FBXL5: variants seen among roughly 807,000 people sequenced by gnomAD.
FBXL5 encodes the protein F-box and leucine rich repeat protein 5.
Under a neutral mutation model 78.3 loss-of-function variants are expected in FBXL5, and 26 were observed. The ratio of observed to expected loss-of-function variants is 0.33; its 90% CI spans 0.24 to 0.46. The LOEUF is 0.46. Ranked by LOEUF, FBXL5 falls within the 20% of genes least tolerant of loss-of-function variation. The pLI is 1.00. For missense variants in FBXL5, 710 were observed against 829.2 expected (o/e 0.86, Z 1.77); for synonymous variants, 295 against 282.5 (o/e 1.04, Z -0.45).
At chr4:15,660,794 G>C (rs1717269564), upstream of FBXL5, among the ~76,000 whole-genome samples, 1 of 152,176 alleles carries the variant, frequency 6.6e-6, no homozygotes, top group African/African-American at 2.4e-5. Context: ...TCTAGAGTTA[G>C]GTGGCCCAGC....
chr4:15,630,774 G>T lies in FBXL5; in HGVS notation c.784C>A (p.Pro262Thr). The T allele has an allele frequency of 1.2e-6, 2 of 1,612,636 alleles. No homozygotes were observed. Among genetic ancestry groups the T allele is most frequent in the South Asian group, 2.2e-5 (2 of 90,826 alleles). The change falls in exon 6 of 11, where the codon CCC (proline) becomes ACC (threonine). Residue 262 changes from proline to threonine, a missense_variant. Around this residue, in one of 4 missense-constraint regions of FBXL5, gnomAD observed 517 missense variants for 542.9 expected, o/e 0.95. Transcript: ENST00000341285. ...HWARGDWYSG[P>T]ATELDTEPDD... ...GGTTCAGTATCAAGTTCAGTTGCGG[G>T]ACCACTATACCAGTCACCTACTCAA...
intron 6 of FBXL5, among the ~76,000 whole-genome samples, chr4:15,628,289 T>C (rs1395109421): frequency 6.6e-6 from 1 of 152,162 alleles, no homozygotes; most frequent in African/African-American, 2.4e-5. Context: ...CTATCACTGA[T>C]TCCACATAAC....
chr4:15,663,868 T>C (rs1452748937), upstream of FBXL5, among the ~76,000 whole-genome samples: 1 of 152,208 alleles, frequency 6.6e-6, no homozygotes, highest in East Asian at 1.9e-4. Context: ...TCACTGTTCA[T>C]TGACTTACCC....
chr4:15,655,138 A>G, intron 1 of FBXL5, 66 bp downstream of exon 1: 8 of 1,260,418 alleles, frequency 6.3e-6, no homozygotes, highest in Non-Finnish European at 8.3e-6. Context: ...AGGCCGCCCC[A>G]AGAACCCAGC....
chr4:15,641,430 G>C lies in FBXL5; in HGVS notation c.301-547C>G, dbSNP rs116266523. On this transcript the variant is annotated intron_variant, in intron 2 of 10. Coordinates refer to ENST00000341285, the MANE Select transcript of FBXL5 (RefSeq NM_012161.4). ...TCAATGTGAAGACAATGAGGATAAAGACATTTATGATGATCCACTTCCACT... is the reference window on the plus strand; with the variant it reads ...TCAATGTGAAGACAATGAGGATAAACACATTTATGATGATCCACTTCCACT... The C allele has an allele frequency of 1.5e-3, 525 of 354,100 alleles. 2 individuals carry two copies. The highest frequency in any genetic ancestry group is 0.011 in the African/African-American group (492 of 43,264). The allele number at this position is 354,100 out of a possible 1,614,324, so 21.9% of individuals were successfully genotyped here. A position where few individuals can be genotyped will look rare whatever the true frequency, so the allele number is the denominator to read the frequency against.
At chr4:15,613,039 T>A (rs1452431343) in intron 9 of FBXL5, among the ~76,000 whole-genome samples, 1 of 152,190 alleles carries the variant, frequency 6.6e-6, no homozygotes, top group Non-Finnish European at 1.5e-5. Context: ...TGACACATAG[T>A]ATAACATGCA....
At chr4:15,634,388 A>G (rs1019106787) in intron 5 of FBXL5, among the ~76,000 whole-genome samples, 9 of 151,446 alleles carry the variant, frequency 5.9e-5, no homozygotes, top group African/African-American at 1.9e-4. Context: ...TTTTTTTGAG[A>G]CGGAGTCTCA....
intron 1 of FBXL5, among the ~76,000 whole-genome samples, chr4:15,673,389 C>T (rs770660031): frequency 6.6e-6 from 1 of 151,744 alleles, no homozygotes; most frequent in Non-Finnish European, 1.5e-5. Context: ...TGCAGTGAGC[C>T]AAGATTGCAC....
chr4:15,615,871 C>A (rs911904613), intron 9 of FBXL5, among the ~76,000 whole-genome samples: 1 of 152,128 alleles, frequency 6.6e-6, no homozygotes, highest in East Asian at 1.9e-4. Context: ...GCATTGGCAA[C>A]CCGCTCAGGT....
intron 3 of FBXL5, 49 bp from the exon 4 acceptor site, chr4:15,638,743 T>A: frequency 8.3e-7 from 1 of 1,198,470 alleles, no homozygotes. Flanking sequence ...TTCGTGTTGA[T>A]TTACTCTAAA....
At chr4:15,651,197 A>G (rs1332702571) in intron 1 of FBXL5, among the ~76,000 whole-genome samples, 1 of 152,238 alleles carries the variant, frequency 6.6e-6, no homozygotes, top group African/African-American at 2.4e-5. Flanking sequence ...AAATTTACAG[A>G]TGGAAAAAAT....
chr4:15,648,463 C>T (rs947621401), intron 1 of FBXL5, among the ~76,000 whole-genome samples: 1 of 151,960 alleles, frequency 6.6e-6, no homozygotes, highest in East Asian at 1.9e-4. Flanking sequence ...TCATAATAGC[C>T]AAGATATGGA....
intron 3 of FBXL5, among the ~76,000 whole-genome samples, chr4:15,640,095 C>T (rs895800853): frequency 5.3e-5 from 8 of 152,128 alleles, no homozygotes; most frequent in Admixed American, 3.3e-4. Context: ...GGCTGAAGTG[C>T]CATGGCGCAA....
intron 3 of FBXL5, among the ~76,000 whole-genome samples, chr4:15,639,626 T>C (rs772873018): frequency 1.1e-4 from 16 of 152,222 alleles, no homozygotes; most frequent in African/African-American, 3.9e-4. Context: ...CTTCCACAGA[T>C]AATTGTGATG....
At chr4:15,605,827 G>A in intron 10 of FBXL5, 28 bp from the exon 11 acceptor site, 5 of 1,569,332 alleles carry the variant, frequency 3.2e-6, no homozygotes, top group Non-Finnish European at 4.4e-6. Context: ...AATGTGAAAG[G>A]AGGAATTTCT....
At position 15,655,194 on chromosome 4, in the gene FBXL5, G is replaced by A; in HGVS notation, c.84+10C>T. On this transcript the variant is annotated intron_variant, in intron 1 of 10. Transcript: ENST00000341285. ...CACCGCCCACAGCGGGAGGCTCAGCGCTCCGTTACCTTGTCGCAGTAGAGC... is the reference window on the plus strand; with the variant it reads ...CACCGCCCACAGCGGGAGGCTCAGCACTCCGTTACCTTGTCGCAGTAGAGC... 3 of 1,394,256 alleles carry A rather than the reference G, an allele frequency of 2.2e-6. No homozygotes were observed. Among genetic ancestry groups the A allele is most frequent in the South Asian group, 1.3e-5 (1 of 74,732 alleles). 86.4% of individuals were successfully genotyped at this position (1,394,256 alleles called of 1,614,324 possible).
intron 1 of FBXL5, among the ~76,000 whole-genome samples, chr4:15,665,189 C>G (rs1717486586): frequency 6.6e-6 from 1 of 152,100 alleles, no homozygotes; most frequent in South Asian, 2.1e-4. Context: ...GGAAAGAATG[C>G]CTTTCTTATT....
At chr4:15,606,510 C>G (rs1403679622) in intron 10 of FBXL5, among the ~76,000 whole-genome samples, 1 of 152,094 alleles carries the variant, frequency 6.6e-6, no homozygotes, top group Non-Finnish European at 1.5e-5. Context: ...CATTAGGGAA[C>G]ATAGCTGAGA....
At chr4:15,662,823 A>C (rs570212119), upstream of FBXL5, among the ~76,000 whole-genome samples, 6 of 152,358 alleles carry the variant, frequency 3.9e-5, no homozygotes, top group East Asian at 7.7e-4. Flanking sequence ...AAGGAACAGC[A>C]GAATAGTGAA....
Sources: gnomAD v4.1 joint callset for allele counts (sites outside exome capture counted in the v4.1 genomes callset) on GRCh38, gnomAD v4.1.1 for gene constraint, gnomAD v4.1.1 regional missense constraint, MANE v1.5 for transcripts, NCBI Gene and HGNC (gene_info 2026-07-23, HGNC 2026-07-21) for gene names.